DOK7: variants seen among roughly 807,000 people sequenced by gnomAD.
DOK7 encodes the protein protein Dok-7.
Under a neutral mutation model 30.7 loss-of-function variants are expected in DOK7, and 32 were observed. The ratio of observed to expected loss-of-function variants is 1.04; its 90% CI spans 0.79 to 1.40. The LOEUF (loss-of-function observed/expected upper bound fraction) is 1.40, where lower values mean the gene tolerates loss of function less well. Ranked by LOEUF, DOK7 falls within the 40% of genes most tolerant of loss-of-function variation. The pLI is 0.00. For synonymous variants in DOK7, 447 were observed against 324.1 expected (o/e 1.38, Z -4.07); for missense variants, 1,007 against 699.2 (o/e 1.44, Z -4.97).
intron 6 of DOK7, among the ~76,000 whole-genome samples, chr4:3,490,176 T>TTCACTTATGGTTCCACATTTACTAAA (rs1728154766): frequency 1.4e-5 from 1 of 69,688 alleles, no homozygotes; most frequent in Non-Finnish European, 2.5e-5. Flanking sequence ...CATTTCTTCC[T>TTCACTTATGGTTCCACATTTACTAAA]CCGCCCCCCC....
At chr4:3,491,528 C>A (rs1208391957) in intron 6 of DOK7, among the ~76,000 whole-genome samples, 2 of 47,280 alleles carry the variant, frequency 4.2e-5, no homozygotes, top group Non-Finnish European at 9.4e-5. Flanking sequence ...TCTGTTCATT[C>A]ATTTCTTCCT....
At chr4:3,468,506 G>GTGCGTGTATGTGTGTGAC (rs1560205280) in intron 2 of DOK7, among the ~76,000 whole-genome samples, 15 of 150,790 alleles carry the variant, frequency 9.9e-5, no homozygotes, top group Non-Finnish European at 1.9e-4. Flanking sequence ...GCATGTGCGT[G>GTGCGTGTATGTGTGTGAC]TGTGCGTGTA....
In DOK7 at chr4:3,492,946, G is replaced by A. The variant is rs1457585103; in HGVS notation, c.960G>A (p.Lys320=). The change falls in exon 7 of 7, where the codon AAG becomes AAA. Residue 320 remains lysine, a synonymous_variant. Coordinates refer to ENST00000340083, the MANE Select transcript of DOK7 (RefSeq NM_173660.5). Reference sequence around the variant, plus strand: ...TGGGTGCCTCAAGGCCACCCCCCAAGCCGCTGCGTCCGCGGCAGCTGCAGG... The same window carrying A: ...TGGGTGCCTCAAGGCCACCCCCCAAACCGCTGCGTCCGCGGCAGCTGCAGG... The part of the protein sequence containing the change: ...AMVGASRPPP[K]PLRPRQLQEV... The A allele has an allele frequency of 1.3e-6, 2 of 1,556,132 alleles. No homozygotes were observed. The highest frequency in any genetic ancestry group is 2.3e-5 in the South Asian group (2 of 85,598).
intron 6 of DOK7, among the ~76,000 whole-genome samples, chr4:3,490,154 A>T (rs1238422725): frequency 1.4e-3 from 33 of 23,980 alleles, no homozygotes; most frequent in East Asian, 0.012. Context: ...TTCCTTCCCC[A>T]CCCTGCTCAT....
intron 2 of DOK7, among the ~76,000 whole-genome samples, chr4:3,467,644 G>A (rs1726381944): frequency 6.6e-6 from 1 of 152,102 alleles, no homozygotes; most frequent in African/African-American, 2.4e-5. Context: ...GTGAGCATTT[G>A]GGTGAGTGTG....
chr4:3,492,885 G>C lies in DOK7; in HGVS notation c.899G>C (p.Arg300Thr), dbSNP rs758803062. 4.4e-6 allele frequency: 7 copies of C among 1,599,432 alleles called. No individual in the cohort carries two copies. Among genetic ancestry groups the C allele is most frequent in the Non-Finnish European group, 3.4e-6 (4 of 1,174,840 alleles). ...GCCAGCACGTCACAGGAGGGGCCTA[G>C]ACCAGCAGCTGCCCAGGCCGCCGGG... ...SSASTSQEGP[R>T]PAAAQAAGEA... Residue 300 changes from arginine to threonine, a missense_variant, in exon 7 of 7, where the codon AGA (arginine) becomes ACA (threonine). By Grantham distance (71) the Arg-to-Thr change is moderately conservative. Transcript: ENST00000340083.
At chr4:3,484,142 G>A (rs1560218764) in intron 4 of DOK7, among the ~76,000 whole-genome samples, 1 of 152,276 alleles carries the variant, frequency 6.6e-6, no homozygotes, top group East Asian at 1.9e-4. Context: ...CCTTCTCTGG[G>A]CCTCAGTGTC....
At chr4:3,481,623 T>C (rs1346837980) in intron 4 of DOK7, among the ~76,000 whole-genome samples, 2 of 152,060 alleles carry the variant, frequency 1.3e-5, no homozygotes, top group African/African-American at 2.4e-5. Flanking sequence ...GAGGGTCATG[T>C]TATCAAGACT....
At chr4:3,495,350 T>G (rs1254095023), downstream of DOK7, among the ~76,000 whole-genome samples, 2 of 151,552 alleles carry the variant, frequency 1.3e-5, no homozygotes, top group Non-Finnish European at 2.9e-5. Flanking sequence ...CTCAGCCCTC[T>G]GTGTTCCCAC....
At chr4:3,487,075 G>A (rs866920677) in intron 5 of DOK7, among the ~76,000 whole-genome samples, 1 of 152,126 alleles carries the variant, frequency 6.6e-6, no homozygotes, top group East Asian at 1.9e-4. Flanking sequence ...GAGGGGGTTG[G>A]GCTGACCAGA....
chr4:3,486,447 T>TGGCACC, intron 5 of DOK7, among the ~76,000 whole-genome samples: 1 of 152,340 alleles, frequency 6.6e-6, no homozygotes, highest in African/African-American at 2.4e-5. Context: ...CTCCTGGCAC[T>TGGCACC]GGCACCCCCG....
downstream of DOK7, among the ~76,000 whole-genome samples, chr4:3,495,201 G>C (rs1424348746): frequency 6.6e-6 from 1 of 152,178 alleles, no homozygotes; most frequent in Non-Finnish European, 1.5e-5. Flanking sequence ...CTCTTCAGGC[G>C]CTCAATAGCT....
intron 2 of DOK7, among the ~76,000 whole-genome samples, chr4:3,468,109 CGT>C (rs1206808110): frequency 2.0e-5 from 3 of 152,268 alleles, no homozygotes; most frequent in Non-Finnish European, 4.4e-5. Context: ...ACTGTGTCCA[CGT>C]GTGTGTGCAT....
chr4:3,489,494 G>T (rs1728032022), intron 5 of DOK7, among the ~76,000 whole-genome samples, 183 bp from the exon 6 acceptor site: 1 of 152,162 alleles, frequency 6.6e-6, no homozygotes, highest in African/African-American at 2.4e-5. Context: ...CTGGATAGGG[G>T]TGGTGTGGGT....
chr4:3,463,355 G>T lies in DOK7; in HGVS notation c.-21G>T. 1.4e-6 allele frequency: 2 copies of T among 1,457,608 alleles called. No individual in the cohort carries two copies. Among genetic ancestry groups the T allele is most frequent in the Non-Finnish European group, 1.8e-6 (2 of 1,117,474 alleles). The allele number at this position is 1,457,608 out of a possible 1,614,324, so 90.3% of individuals were successfully genotyped here. On this transcript the variant is annotated 5_prime_UTR_variant, in exon 1 of 7. Transcript: ENST00000340083. The stretch of plus-strand genomic sequence containing the variant: ...GCTGGGGCGCCGGGGCGAGCGCGGC[G>T]GCGCGGAACCATGACAGAAGATGAC...
chr4:3,463,321 T>A lies in DOK7; in HGVS notation c.-55T>A. 7.1e-7 allele frequency: 1 copy of A among 1,398,782 alleles called. No individual in the cohort carries two copies. Among genetic ancestry groups the A allele is most frequent in the Non-Finnish European group, 9.2e-7 (1 of 1,087,080 alleles). 86.6% of individuals were successfully genotyped at this position (1,398,782 alleles called of 1,614,324 possible). On this transcript the variant is annotated 5_prime_UTR_variant, in exon 1 of 7. Coordinates refer to ENST00000340083, the MANE Select transcript of DOK7 (RefSeq NM_173660.5). Reference sequence around the variant, plus strand: ...AGGGCCCTGCGAGCTATTTTGAAAGTGACCCTGGGCTGGGGCGCCGGGGCG... The same window carrying A: ...AGGGCCCTGCGAGCTATTTTGAAAGAGACCCTGGGCTGGGGCGCCGGGGCG...
downstream of DOK7, among the ~76,000 whole-genome samples, chr4:3,496,384 G>A (rs1030545052): frequency 5.3e-5 from 8 of 152,266 alleles, no homozygotes; most frequent in Non-Finnish European, 8.8e-5. Context: ...CACCCTCAAG[G>A]ACGGGAAAGG....
chr4:3,493,386 C>A lies in DOK7; in HGVS notation c.1400C>A (p.Pro467His). ...CCCCAGGGCAGCGAGGCCACACTGC[C>A]TGGCCCTGCCCCTGGCGAGCCCTGG... ...EAPQGSEATL[P>H]GPAPGEPWEA... The change falls in exon 7 of 7, where the codon CCT becomes CAT. Residue 467 changes from proline (P) to histidine (H), a missense_variant. Coordinates refer to ENST00000340083, the MANE Select transcript of DOK7 (RefSeq NM_173660.5). The A allele has an allele frequency of 1.3e-6, 2 of 1,594,772 alleles. No homozygotes were observed. Among genetic ancestry groups the A allele is most frequent in the Non-Finnish European group, 1.7e-6 (2 of 1,171,198 alleles).
At chr4:3,497,961 G>A (rs957356844), downstream of DOK7, among the ~76,000 whole-genome samples, 1 of 152,208 alleles carries the variant, frequency 6.6e-6, no homozygotes, top group Non-Finnish European at 1.5e-5. Flanking sequence ...CCCAGACAGG[G>A]GTGCCCTGGG....
Sources: allele counts gnomAD v4.1 joint callset (sites outside exome capture counted in the v4.1 genomes callset), GRCh38; gene constraint gnomAD v4.1.1; transcripts MANE v1.5; gene names NCBI Gene and HGNC (gene_info 2026-07-23, HGNC 2026-07-21).